Variants in ZFAND3 observed in about 807,000 individuals in gnomAD.
ZFAND3 encodes zinc finger AN1-type containing 3, also known as AN1-type zinc finger protein 3.
ZFAND3 carries 10 observed loss-of-function variants against 29.6 expected under a neutral mutation model. The observed-to-expected ratio is 0.34, with a 90% confidence interval of 0.21 to 0.57. ZFAND3 has a LOEUF of 0.57. Ranked by LOEUF, ZFAND3 falls within the 20% of genes least tolerant of loss-of-function variation. ZFAND3 has a pLI of 0.86. For missense variants in ZFAND3, 230 were observed against 304.5 expected, an observed-to-expected ratio of 0.76 and a Z score of 1.82; for synonymous variants, 128 against 112.6, an observed-to-expected ratio of 1.14 and a Z score of -0.87.
intron 2 of ZFAND3, among the ~76,000 whole-genome samples, chr6:37,968,274 G>A (rs1386294072): frequency 1.3e-5 from 2 of 152,124 alleles, no homozygotes; most frequent in South Asian, 2.1e-4. Flanking sequence ...AGAGGGCTAA[G>A]AATGGATGGG....
At chr6:37,996,884 G>T (rs184345331) in intron 2 of ZFAND3, among the ~76,000 whole-genome samples, 1 of 151,892 alleles carries the variant, frequency 6.6e-6, no homozygotes, top group Non-Finnish European at 1.5e-5. Context: ...ATTCACATTT[G>T]CTCATCTTTT....
At position 38,032,260 on chromosome 6, in the gene ZFAND3, GATA is replaced by G. The variant is rs368160261; in HGVS notation, c.113-29329_113-29327del. ...TACAAGATTTATATTTTATAGCAAA[GATA>G]ATATTTGAAAATGTTCTTAATGGTA... On this transcript the variant is annotated intron_variant, in intron 2 of 5. Transcript: ENST00000287218. Among the ~76,000 whole-genome samples the G allele has an allele frequency of 3.6e-3, 554 of 152,272 alleles. 3 individuals are homozygous for G. The highest frequency in any genetic ancestry group is 0.014 in the Middle Eastern group (4 of 294).
At chr6:37,823,792 A>ATT (rs35888139) in intron 1 of ZFAND3, among the ~76,000 whole-genome samples, 2 of 147,994 alleles carry the variant, frequency 1.4e-5, no homozygotes, top group Non-Finnish European at 3.0e-5. Context: ...ATTTTTTTGT[A>ATT]TTTTTTTTTG....
chr6:38,056,039 C>T (rs1764128696), intron 2 of ZFAND3, among the ~76,000 whole-genome samples: 1 of 152,184 alleles, frequency 6.6e-6, no homozygotes, highest in African/African-American at 2.4e-5. Flanking sequence ...TCACAGAGTG[C>T]TGTGCCAATA....
intron 1 of ZFAND3, among the ~76,000 whole-genome samples, chr6:37,848,775 GT>G (rs915846853): frequency 6.6e-5 from 10 of 152,038 alleles, no homozygotes; most frequent in African/African-American, 2.4e-4. Context: ...GCGTCTTTAT[GT>G]TTTTTTCTTC....
Position 37,864,791 on chromosome 6 carries a change from T to A in ZFAND3, c.71+44775T>A, listed in dbSNP as rs565808686. On this transcript the variant is annotated intron_variant, in intron 1 of 5. Coordinates refer to ENST00000287218, the MANE Select transcript of ZFAND3 (RefSeq NM_021943.3). The stretch of plus-strand genomic sequence containing the variant: ...CACACATGCACACATACACGCACAC[T>A]CTCACTCTATATTTATTCTTTGGTA... Among the ~76,000 whole-genome samples the A allele has an allele frequency of 7.1e-4, 107 of 151,764 alleles. 2 individuals are homozygous for A. The highest frequency in any genetic ancestry group is 1.8e-4 in the Non-Finnish European group (12 of 67,902).
At chr6:37,867,376 T>G (rs1361883027) in intron 1 of ZFAND3, among the ~76,000 whole-genome samples, 1 of 152,226 alleles carries the variant, frequency 6.6e-6, no homozygotes. Context: ...GTTTCTCTGT[T>G]AAGGAGCTGT....
intron 2 of ZFAND3, among the ~76,000 whole-genome samples, chr6:38,005,203 G>T (rs1763028107): frequency 6.6e-6 from 1 of 152,108 alleles, no homozygotes; most frequent in African/African-American, 2.4e-5. Flanking sequence ...CTCCACATAT[G>T]ATGGTTTTAT....
chr6:37,821,875 C>T (rs1199297425), intron 1 of ZFAND3, among the ~76,000 whole-genome samples: 1 of 152,142 alleles, frequency 6.6e-6, no homozygotes, highest in Non-Finnish European at 1.5e-5. Context: ...GCTCTGTTGC[C>T]CAGGCTGGAG....
At chr6:37,965,763 G>A (rs538308035) in intron 2 of ZFAND3, among the ~76,000 whole-genome samples, 2 of 152,212 alleles carry the variant, frequency 1.3e-5, no homozygotes, top group South Asian at 4.2e-4. Flanking sequence ...AGTGTGGCCA[G>A]AAGAATAACT....
At chr6:37,967,117 C>G (rs1018946395) in intron 2 of ZFAND3, among the ~76,000 whole-genome samples, 1 of 152,120 alleles carries the variant, frequency 6.6e-6, no homozygotes, top group East Asian at 1.9e-4. Flanking sequence ...TGTAAAGTTA[C>G]TCTTCTTGTT....
chr6:37,906,502 A>G (rs184713513), intron 1 of ZFAND3, among the ~76,000 whole-genome samples: 83 of 152,256 alleles, frequency 5.5e-4, no homozygotes, highest in African/African-American at 1.8e-3. Context: ...ACATGCATGT[A>G]TAAGTTTTTG....
chr6:37,981,542 T>C (rs1197558704), intron 2 of ZFAND3, among the ~76,000 whole-genome samples: 3 of 152,140 alleles, frequency 2.0e-5, no homozygotes, highest in Admixed American at 1.3e-4. Context: ...ATTGTTACTG[T>C]GGGAGGATCA....
rs556817954 is a variant in ZFAND3, at chr6:37,827,556, A to G, written c.71+7540A>G. ...GATTTTCTGGTAAATTCAGGTTACC[A>G]TATATAGAGAAAGGTGGGGTATATT... On this transcript the variant is annotated intron_variant, in intron 1 of 5. Coordinates refer to ENST00000287218, the MANE Select transcript of ZFAND3 (RefSeq NM_021943.3). 2.6e-5 allele frequency among the ~76,000 whole-genome samples: 4 copies of G among 152,350 alleles called. No individual in the cohort carries two copies. The South Asian group carries it at 8.3e-4, about 32-fold the overall frequency.
intron 1 of ZFAND3, among the ~76,000 whole-genome samples, chr6:37,875,264 T>C (rs973669044): frequency 6.6e-6 from 1 of 152,214 alleles, no homozygotes; most frequent in Non-Finnish European, 1.5e-5. Context: ...GGAGTTGCAA[T>C]GTAATAAAAG....
intron 1 of ZFAND3, among the ~76,000 whole-genome samples, chr6:37,896,568 T>TTCTTTCTTTCTTTTCTTTCTTTCTTTCTC (rs1347314739): frequency 1.4e-5 from 2 of 145,744 alleles, no homozygotes; most frequent in Admixed American, 6.9e-5. Context: ...CTTTCTTTCT[T>TTCTTTCTTTCTTTTCTTTCTTTCTTTCTC]TCTCTCTTTC....
intron 2 of ZFAND3, among the ~76,000 whole-genome samples, chr6:38,043,239 T>C (rs1303268535): frequency 6.6e-6 from 1 of 151,768 alleles, no homozygotes; most frequent in Non-Finnish European, 1.5e-5. Flanking sequence ...GTATCTCCCT[T>C]TTCCCTTTCT....
intron 2 of ZFAND3, among the ~76,000 whole-genome samples, chr6:37,991,302 ATTAAT>A (rs748386814): frequency 7.9e-5 from 12 of 151,362 alleles, no homozygotes; most frequent in Non-Finnish European, 1.2e-4. Flanking sequence ...TTTTTATTTT[ATTAAT>A]TTAATTTAAT....
intron 2 of ZFAND3, chr6:38,003,671 G>A (rs1314076908): frequency 1.2e-5 from 4 of 330,232 alleles, no homozygotes; most frequent in South Asian, 8.7e-5. Flanking sequence ...GCTAATTTTT[G>A]TGTTTTTTTT....
Sources: allele counts gnomAD v4.1 joint callset (sites outside exome capture counted in the v4.1 genomes callset), GRCh38; gene constraint gnomAD v4.1.1; transcripts MANE v1.5; gene names NCBI Gene and HGNC (gene_info 2026-07-23, HGNC 2026-07-21).